Variants in POMT1 observed in about 807,000 individuals in gnomAD.
POMT1 encodes the protein protein O-mannosyltransferase 1.
A neutral mutation model predicts 101.6 loss-of-function variants in POMT1; 85 were observed. The ratio of observed to expected loss-of-function variants is 0.84; its 90% CI spans 0.70 to 1.00. POMT1 has a LOEUF of 1.00. POMT1 is among the 50% of genes least tolerant of loss of function. The probability of loss-of-function intolerance (pLI) is 0.00; values close to 1 mark genes in which losing one functional copy is unlikely to be tolerated. For synonymous variants in POMT1, 371 were observed against 383.0 expected, an observed-to-expected ratio of 0.97 and a Z score of 0.37; for missense variants, 857 against 930.4, an observed-to-expected ratio of 0.92 and a Z score of 1.03.
At chr9:131,511,238 T>C in intron 9 of POMT1, 99 bp from the exon 10 acceptor site, 1 of 1,337,262 alleles carries the variant, frequency 7.5e-7, no homozygotes, top group South Asian at 1.4e-5. Context: ...GCCACCAGCC[T>C]AAACATCACC....
chr9:131,509,696 ATGTGTCTGAACTATTTC>A, intron 6 of POMT1, 30 bp from the exon 7 acceptor site: 1 of 1,614,102 alleles, frequency 6.2e-7, no homozygotes, highest in East Asian at 2.2e-5. Flanking sequence ...CCTTTTGGAA[ATGTGTCTGAACTATTTC>A]TGTCTCCATC....
At chr9:131,520,042 C>T (rs1405278487) in intron 16 of POMT1, 38 bp from the exon 17 acceptor site, 2 of 1,540,440 alleles carry the variant, frequency 1.3e-6, no homozygotes, top group East Asian at 2.3e-5. Flanking sequence ...GGGAGGCATC[C>T]CCCATCCTCA....
chr9:131,520,525 G>T (rs1192974100), intron 17 of POMT1, among the ~76,000 whole-genome samples: 1 of 152,236 alleles, frequency 6.6e-6, no homozygotes, highest in Non-Finnish European at 1.5e-5. Context: ...CTTTGCTGAT[G>T]TGCGTGCCGT....
chr9:131,517,413 A>T (rs1433952784), intron 13 of POMT1, among the ~76,000 whole-genome samples: 2 of 152,098 alleles, frequency 1.3e-5, no homozygotes, highest in Non-Finnish European at 2.9e-5. Flanking sequence ...TTTAATTTTT[A>T]AAATATTTTT....
chr9:131,520,098 A>G lies in POMT1; in HGVS notation c.1603A>G (p.Arg535Gly). Residue 535 changes from arginine to glycine, a missense_variant, in exon 17 of 20, where the codon AGA (arginine) becomes GGA (glycine). Coordinates refer to ENST00000402686, the MANE Select transcript of POMT1 (RefSeq NM_001077365.2). ...GTTCCAGTGGAGGATGCTGGCGCTG[A>G]GAAGTGATGACTCGGAACACAAGTA... The part of the protein sequence containing the change: ...SELQWRMLAL[R>G]SDDSEHKYSS... 2 of 1,613,706 alleles carry G rather than the reference A, an allele frequency of 1.2e-6. No individual in the cohort carries two copies. Among genetic ancestry groups the G allele is most frequent in the Non-Finnish European group, 1.7e-6 (2 of 1,179,990 alleles).
At chr9:131,513,852 C>T (rs1457155612) in intron 12 of POMT1, among the ~76,000 whole-genome samples, 2 of 152,190 alleles carry the variant, frequency 1.3e-5, no homozygotes, top group African/African-American at 4.8e-5. Flanking sequence ...TCTCCACCGC[C>T]TCCTTTTCCT....
intron 13 of POMT1, 44 bp downstream of exon 13, chr9:131,515,566 A>G: frequency 1.9e-6 from 3 of 1,568,346 alleles, no homozygotes; most frequent in Non-Finnish European, 2.6e-6. Context: ...GTCAGTAATG[A>G]ACACTCCCTC....
Position 131,519,354 on chromosome 9 carries a change from A to G in POMT1, c.1487-35A>G, listed in dbSNP as rs978129306. On this transcript the variant is annotated intron_variant, in intron 15 of 19. Transcript: ENST00000402686. This position sits in a 1 kb window ranked among gnomAD's most constrained non-coding sequence, Gnocchi z 4.3. Reference sequence around the variant, plus strand: ...TGCTCTGAGCTCTTGACCTTGTGCTACTTCTATCTGTTATGCCCTTGTCTG... The same window carrying G: ...TGCTCTGAGCTCTTGACCTTGTGCTGCTTCTATCTGTTATGCCCTTGTCTG... 2.6e-6 allele frequency: 4 copies of G among 1,542,370 alleles called. No individual in the cohort carries two copies. The highest frequency in any genetic ancestry group is 2.0e-5 in the Admixed American group (1 of 51,002).
chr9:131,515,113 G>A (rs1264817004), intron 12 of POMT1, among the ~76,000 whole-genome samples: 9 of 152,324 alleles, frequency 5.9e-5, no homozygotes, highest in East Asian at 1.9e-4. Flanking sequence ...CAGCAGTACC[G>A]GATCGGGCCT....
chr9:131,513,160 A>T, intron 11 of POMT1, 79 bp from the exon 12 acceptor site: 1 of 1,243,238 alleles, frequency 8.0e-7, no homozygotes. Context: ...ATGAGAATTC[A>T]GAGCTGTGCC....
chr9:131,517,345 C>T (rs1020198040), intron 13 of POMT1, among the ~76,000 whole-genome samples: 2 of 152,214 alleles, frequency 1.3e-5, no homozygotes, highest in African/African-American at 4.8e-5. Flanking sequence ...ATCCTCCCAC[C>T]TCTGCCTCTT....
chr9:131,508,341 G>T (rs182282018), intron 5 of POMT1, among the ~76,000 whole-genome samples: 23 of 152,176 alleles, frequency 1.5e-4, no homozygotes, highest in African/African-American at 4.8e-4. Context: ...GACCATCCGG[G>T]CCAACATGGT....
In POMT1 at chr9:131,510,283, C is replaced by T. The variant is rs765290860; in HGVS notation, c.723C>T (p.Leu241=). The T allele has an allele frequency of 2.6e-5, 42 of 1,614,116 alleles. No individual in the cohort carries two copies. Among genetic ancestry groups the T allele is most frequent in the Admixed American group, 8.3e-5 (5 of 60,012 alleles). Residue 241 remains leucine, a synonymous_variant, in exon 9 of 20, where the codon CTC becomes CTT. Coordinates refer to ENST00000402686, the MANE Select transcript of POMT1 (RefSeq NM_001077365.2). ...LSNVCVFCHL[L]ARAVALLVIP... Reference sequence around the variant, plus strand: ...AGGTCTGTGTGTTCTGTCACTTGCTCGCCCGAGCAGTGGCTTTGCTGGTCA... The same window carrying T: ...AGGTCTGTGTGTTCTGTCACTTGCTTGCCCGAGCAGTGGCTTTGCTGGTCA...
chr9:131,509,272 TC>T (rs775470047), intron 6 of POMT1, among the ~76,000 whole-genome samples: 16 of 152,262 alleles, frequency 1.1e-4, no homozygotes, highest in Non-Finnish European at 1.9e-4. Flanking sequence ...AGCCTCAGTC[TC>T]CCGAGTAGCT....
At chr9:131,517,472 C>CT (rs1414725156) in intron 13 of POMT1, among the ~76,000 whole-genome samples, 3 of 152,122 alleles carry the variant, frequency 2.0e-5, no homozygotes, top group Non-Finnish European at 4.4e-5. Context: ...GAGATGGGGT[C>CT]TTGCTATGTT....
Position 131,522,327 on chromosome 9 carries a change from C to T in POMT1, c.2003+103C>T, listed in dbSNP as rs749421594. The stretch of plus-strand genomic sequence containing the variant: ...GGTGCAGCGAACCTCACCCATTTCA[C>T]GTTACACTGACATCCTCCGGGTCCC... On this transcript the variant is annotated intron_variant, in intron 19 of 19. Transcript: ENST00000402686. The surrounding 1 kb of genome is among the most constrained non-coding windows in gnomAD (Gnocchi z 5.5). The T allele has an allele frequency of 4.3e-5, 67 of 1,565,208 alleles. No individual in the cohort carries two copies. The highest frequency in any genetic ancestry group is 1.7e-4 in the Middle Eastern group (1 of 5,994).
Position 131,523,040 on chromosome 9 carries a change from C to G in POMT1, c.2112C>G (p.Leu704=), listed in dbSNP as rs1564395126. 1 of 1,611,336 alleles carries G rather than the reference C, an allele frequency of 6.2e-7. No homozygotes were observed. The highest frequency in any genetic ancestry group is 8.5e-7 in the Non-Finnish European group (1 of 1,179,858). ...CACTCACCTACGGGGACAAGTCACT[C>G]TCGCCACATGAACTCAAGGCCCTTC... ...LRPLTYGDKS[L]SPHELKALRW... The change falls in exon 20 of 20, where the codon CTC becomes CTG. Residue 704 remains leucine (L), a synonymous_variant. Transcript: ENST00000402686.
Position 131,506,484 on chromosome 9 carries a change from G to A in POMT1, c.280+31G>A, listed in dbSNP as rs79446775. On this transcript the variant is annotated intron_variant, in intron 4 of 19. Coordinates refer to ENST00000402686, the MANE Select transcript of POMT1 (RefSeq NM_001077365.2). ...AGATAATTTTCATTTCCCTTTTAAT[G>A]TGCGCAGGTTAGAATGAAGAGATTG... 8.8e-4 allele frequency: 1,385 copies of A among 1,581,350 alleles called. 9 individuals are homozygous for A. The African/African-American group carries it at 0.016, about 19-fold the overall frequency.
In POMT1 at chr9:131,521,364, G is replaced by A; in HGVS notation, c.1717G>A (p.Gly573Arg). The A allele has an allele frequency of 6.2e-7, 1 of 1,614,152 alleles. No homozygotes were observed. The highest frequency in any genetic ancestry group is 8.5e-7 in the Non-Finnish European group (1 of 1,180,018). ...CCCTTAGGCTCAGATCCACCTACTT[G>A]GAAACATAGTGATCTGGGTTTCGGG... ...PRTSAQIHLL[G>R]NIVIWVSGSL... The change falls in exon 18 of 20, where the codon GGA becomes AGA. Residue 573 changes from glycine (G) to arginine (R), a missense_variant. Gly to Arg is a moderately radical substitution (Grantham distance 125). Coordinates refer to ENST00000402686, the MANE Select transcript of POMT1 (RefSeq NM_001077365.2).
Sources: gnomAD v4.1 joint callset for allele counts (sites outside exome capture counted in the v4.1 genomes callset) on GRCh38, gnomAD v4.1.1 for gene constraint, Gnocchi (gnomAD v3.1) non-coding constraint, MANE v1.5 for transcripts, NCBI Gene and HGNC (gene_info 2026-07-23, HGNC 2026-07-21) for gene names.